Variants in FCHSD2 observed in about 807,000 individuals in gnomAD.
The protein encoded by FCHSD2 is F-BAR and double SH3 domains protein 2.
Under a neutral mutation model 108.1 loss-of-function variants are expected in FCHSD2, and 38 were observed. That is an observed-to-expected ratio of 0.35 (90% CI 0.27 to 0.46). FCHSD2 has a LOEUF of 0.46. Among genes scored for constraint, FCHSD2 ranks in the 20% least tolerant of loss-of-function variants. FCHSD2 has a pLI of 1.00. For synonymous variants in FCHSD2, 279 were observed against 314.7 expected, an observed-to-expected ratio of 0.89 and a Z score of 1.20; for missense variants, 751 against 897.8, an observed-to-expected ratio of 0.84 and a Z score of 2.09.
intron 12 of FCHSD2, among the ~76,000 whole-genome samples, chr11:72,883,948 AAT>A (rs1491174946): frequency 5.9e-4 from 90 of 151,898 alleles, no homozygotes; most frequent in African/African-American, 2.0e-3. Flanking sequence ...AAAAAAAAAA[AAT>A]TTTTTTTAAT....
chr11:72,980,706 A>ATG (rs1857198509), intron 8 of FCHSD2, among the ~76,000 whole-genome samples: 2 of 148,754 alleles, frequency 1.3e-5, no homozygotes, highest in East Asian at 3.9e-4. Context: ...TAATGTATGT[A>ATG]TGTATATATA....
chr11:72,842,533 G>A (rs1262290189), intron 17 of FCHSD2, 88 bp downstream of exon 17: 5 of 1,527,994 alleles, frequency 3.3e-6, no homozygotes, highest in Non-Finnish European at 4.5e-6. Flanking sequence ...GGCAGAGACT[G>A]CAGCCCACTT....
At chr11:73,071,438 T>C (rs1207741074) in intron 3 of FCHSD2, among the ~76,000 whole-genome samples, 1 of 151,328 alleles carries the variant, frequency 6.6e-6, no homozygotes, top group Non-Finnish European at 1.5e-5. Flanking sequence ...ACGCCTGTAA[T>C]CCCAGCACCT....
chr11:73,073,263 T>C (rs1288409943), intron 3 of FCHSD2, among the ~76,000 whole-genome samples: 3 of 152,218 alleles, frequency 2.0e-5, no homozygotes, highest in Non-Finnish European at 2.9e-5. Flanking sequence ...ACAGATACAT[T>C]TGTCATTTGT....
chr11:72,850,057 GTTTTTTTTTTT>G (rs10579880), intron 13 of FCHSD2, among the ~76,000 whole-genome samples, 168 bp from the exon 14 acceptor site: 2 of 85,498 alleles, frequency 2.3e-5, no homozygotes, highest in African/African-American at 9.4e-5. Flanking sequence ...AAAGAATAGA[GTTTTTTTTTTT>G]TTTTTTTTTT....
chr11:73,021,852 G>A (rs1457290143), intron 3 of FCHSD2, among the ~76,000 whole-genome samples: 1 of 152,144 alleles, frequency 6.6e-6, no homozygotes, highest in African/African-American at 2.4e-5. Context: ...ACTTTGGGAG[G>A]TGGAGTCATG....
intron 10 of FCHSD2, among the ~76,000 whole-genome samples, chr11:72,893,303 T>C (rs930261748): frequency 2.7e-5 from 4 of 150,646 alleles, no homozygotes; most frequent in Non-Finnish European, 5.9e-5. Context: ...ACGCCTGGCC[T>C]AGATCATTCT....
intron 3 of FCHSD2, among the ~76,000 whole-genome samples, chr11:73,067,662 A>C (rs946987638): frequency 6.6e-6 from 1 of 152,134 alleles, no homozygotes; most frequent in African/African-American, 2.4e-5. Flanking sequence ...AACAAGTGCA[A>C]AATCATCAGA....
intron 3 of FCHSD2, among the ~76,000 whole-genome samples, chr11:73,073,741 T>C (rs1450485674): frequency 1.3e-5 from 2 of 152,218 alleles, no homozygotes; most frequent in Non-Finnish European, 2.9e-5. Flanking sequence ...TTGGCCATAA[T>C]GCCATATAAG....
chr11:73,045,774 G>T (rs563941863), intron 3 of FCHSD2, among the ~76,000 whole-genome samples: 1 of 151,886 alleles, frequency 6.6e-6, no homozygotes, highest in Non-Finnish European at 1.5e-5. Context: ...GTTGTGGGGT[G>T]GGGGGAGCGG....
intron 4 of FCHSD2, among the ~76,000 whole-genome samples, chr11:73,003,680 G>T (rs1857674401): frequency 6.6e-6 from 1 of 151,276 alleles, no homozygotes; most frequent in African/African-American, 2.4e-5. Flanking sequence ...TAGAGACGGG[G>T]TTTCACCGTT....
intron 13 of FCHSD2, among the ~76,000 whole-genome samples, chr11:72,851,137 C>T (rs555571840): frequency 7.0e-6 from 1 of 143,284 alleles, no homozygotes; most frequent in Admixed American, 7.0e-5. Flanking sequence ...TTGCTAAGTG[C>T]TACCAAGGAT....
intron 3 of FCHSD2, among the ~76,000 whole-genome samples, chr11:73,074,515 T>C (rs1017297219): frequency 2.0e-5 from 3 of 152,092 alleles, no homozygotes; most frequent in African/African-American, 4.8e-5. Context: ...TTCCAGAACA[T>C]TGCATAACAC....
chr11:72,893,214 C>G (rs1855353400), intron 10 of FCHSD2, among the ~76,000 whole-genome samples: 1 of 151,862 alleles, frequency 6.6e-6, no homozygotes, highest in African/African-American at 2.4e-5. Flanking sequence ...GTTGGCCAGG[C>G]TGGTCTCGAA....
At chr11:72,945,389 A>AAAATTAATT in intron 8 of FCHSD2, among the ~76,000 whole-genome samples, 1 of 152,366 alleles carries the variant, frequency 6.6e-6, no homozygotes, top group East Asian at 1.9e-4. Flanking sequence ...ACCTTATACA[A>AAAATTAATT]AAATTAATTC....
intron 3 of FCHSD2, among the ~76,000 whole-genome samples, chr11:73,034,147 T>C (rs973706712): frequency 2.6e-5 from 4 of 152,230 alleles, no homozygotes; most frequent in African/African-American, 9.6e-5. Flanking sequence ...TACATATGTA[T>C]ACATGTGCCG....
At chr11:72,898,955 G>C (rs1281616603) in intron 10 of FCHSD2, among the ~76,000 whole-genome samples, 1 of 151,872 alleles carries the variant, frequency 6.6e-6, no homozygotes, top group Non-Finnish European at 1.5e-5. Context: ...GTGTTGCCCA[G>C]GCTGGTCTCG....
At chr11:73,136,331 C>A (rs1002502488) in intron 2 of FCHSD2, among the ~76,000 whole-genome samples, 3 of 152,004 alleles carry the variant, frequency 2.0e-5, no homozygotes, top group South Asian at 2.1e-4. Context: ...AGTGGCCTGA[C>A]GGTAGGACTG....
At chr11:72,907,561 T>G (rs1855655008) in intron 9 of FCHSD2, among the ~76,000 whole-genome samples, 3 of 151,018 alleles carry the variant, frequency 2.0e-5, no homozygotes, top group African/African-American at 7.3e-5. Flanking sequence ...TAAATTTTGT[T>G]GAAGGCCTTT....
Sources: gnomAD v4.1 joint callset for allele counts (sites outside exome capture counted in the v4.1 genomes callset) on GRCh38, gnomAD v4.1.1 for gene constraint, MANE v1.5 for transcripts, NCBI Gene and HGNC (gene_info 2026-07-23, HGNC 2026-07-21) for gene names.